The following ALS2 variants were observed in gnomAD, a reference collection of about 807,000 sequenced individuals.
The protein encoded by ALS2 is alsin.
In ALS2, 117 loss-of-function variants were observed where a neutral mutation model predicts 203.4. The ratio of observed to expected loss-of-function variants is 0.58; its 90% CI spans 0.50 to 0.67. The LOEUF (loss-of-function observed/expected upper bound fraction) is 0.67. Ranked by LOEUF, ALS2 falls within the 30% of genes least tolerant of loss-of-function variation. The pLI, the probability that ALS2 is intolerant of heterozygous loss-of-function variation, is 0.00. For synonymous variants in ALS2, 718 were observed against 725.9 expected (o/e 0.99, Z 0.17); for missense variants, 1,715 against 1,989.4 (o/e 0.86, Z 2.62).
At chr2:201,710,770 C>A (rs535755004) in intron 26 of ALS2, among the ~76,000 whole-genome samples, 19 of 152,236 alleles carry the variant, frequency 1.2e-4, no homozygotes, top group Admixed American at 1.0e-3. Context: ...TTCTTAAGAA[C>A]CCCCTTGAGT....
intron 7 of ALS2, among the ~76,000 whole-genome samples, chr2:201,752,406 C>T (rs1401798757): frequency 6.6e-6 from 1 of 151,954 alleles, no homozygotes; most frequent in Non-Finnish European, 1.5e-5. Context: ...TAACTGACCT[C>T]CTTCCTAATC....
chr2:201,734,150 C>A (rs1054415918), intron 12 of ALS2, among the ~76,000 whole-genome samples: 1 of 152,126 alleles, frequency 6.6e-6, no homozygotes, highest in South Asian at 2.1e-4. Context: ...AGGCTTAGCT[C>A]ACCAAACCAA....
chr2:201,706,736 A>T (rs1342495008), intron 29 of ALS2, 110 bp downstream of exon 29: 1 of 1,138,500 alleles, frequency 8.8e-7, no homozygotes, highest in Non-Finnish European at 1.3e-6. Flanking sequence ...TATGCAAAAA[A>T]TAATTACAAG....
intron 5 of ALS2, among the ~76,000 whole-genome samples, chr2:201,756,534 T>TG (rs11402733): frequency 1 from 152,306 of 152,306 alleles, 76,153 homozygotes; most frequent in Non-Finnish European, 1. Flanking sequence ...TTATAGCCCA[T>TG]GGCCAAACAG....
chr2:201,769,404 T>C (rs1694267001), intron 1 of ALS2, among the ~76,000 whole-genome samples: 1 of 152,218 alleles, frequency 6.6e-6, no homozygotes, highest in Non-Finnish European at 1.5e-5. Context: ...TTTTAATTTA[T>C]ACTTTTCAGT....
At chr2:201,721,431 T>C (rs1690785481) in intron 23 of ALS2, among the ~76,000 whole-genome samples, 1 of 152,172 alleles carries the variant, frequency 6.6e-6, no homozygotes, top group South Asian at 2.1e-4. Context: ...AACAGTAATC[T>C]AGATGGTGTG....
intron 4 of ALS2, among the ~76,000 whole-genome samples, chr2:201,758,495 A>G (rs548105469): frequency 6.6e-6 from 1 of 152,164 alleles, no homozygotes; most frequent in Non-Finnish European, 1.5e-5. Context: ...TGATTCTAGA[A>G]GTGTACTAGA....
intron 13 of ALS2, among the ~76,000 whole-genome samples, chr2:201,732,352 G>A (rs1353698569): frequency 6.7e-6 from 1 of 148,262 alleles, no homozygotes; most frequent in African/African-American, 2.5e-5. Flanking sequence ...TCAGGAGTTC[G>A]AGGCCAGCCT....
At position 201,701,621 on chromosome 2, in the gene ALS2, G is replaced by A. The variant is rs1689392955; in HGVS notation, c.*230C>T. Reference sequence around the variant, plus strand: ...ATTTTTGGAACTTATCATAGGCCAAGAACTGGTCTAATCTGATTTTTTACC... The same window carrying A: ...ATTTTTGGAACTTATCATAGGCCAAAAACTGGTCTAATCTGATTTTTTACC... On this transcript the variant is annotated 3_prime_UTR_variant, in exon 34 of 34. Transcript: ENST00000264276. 1 of 523,426 alleles carries A rather than the reference G, an allele frequency of 1.9e-6. No individual in the cohort carries two copies. The allele number at this position is 523,426 out of a possible 1,614,324, so 32.4% of individuals were successfully genotyped here.
At chr2:201,741,631 T>A in intron 11 of ALS2, 43 bp downstream of exon 11, 1 of 1,591,510 alleles carries the variant, frequency 6.3e-7, no homozygotes, top group East Asian at 2.2e-5. Flanking sequence ...CTTGGCAGAA[T>A]AACCCTGCAG....
intron 12 of ALS2, among the ~76,000 whole-genome samples, chr2:201,738,330 A>G (rs967376622): frequency 7.2e-5 from 11 of 152,294 alleles, no homozygotes; most frequent in African/African-American, 2.6e-4. Context: ...CATCACATAC[A>G]TTATTTGTTC....
Position 201,744,344 on chromosome 2 carries a change from A to G in ALS2, c.2084T>C (p.Leu695Pro). ...TCTTTCTGTAGTAGCTAACTCGTGGAGACTGGCAATATACCCCATAATGTT... is the reference window on the plus strand; with the variant it reads ...TCTTTCTGTAGTAGCTAACTCGTGGGGACTGGCAATATACCCCATAATGTT... Reference protein sequence around the residue: ...DKNIMGYIASLHELATTERRF... With the variant: ...DKNIMGYIASPHELATTERRF... The change falls in exon 10 of 34, where the codon CTC (leucine) becomes CCC (proline). Residue 695 changes from leucine (L) to proline (P), a missense_variant. Physicochemically the swap from Leu to Pro is moderately conservative, Grantham distance 98. Transcript: ENST00000264276. The G allele has an allele frequency of 6.2e-7, 1 of 1,614,080 alleles. No homozygotes were observed. Among genetic ancestry groups the G allele is most frequent in the Non-Finnish European group, 8.5e-7 (1 of 1,179,930 alleles).
chr2:201,759,819 G>C (rs1261517820), intron 4 of ALS2: 5 of 984,896 alleles, frequency 5.1e-6, no homozygotes, highest in Non-Finnish European at 6.0e-6. Flanking sequence ...AACACTGCAG[G>C]ACAGATCTTT....
Position 201,704,519 on chromosome 2 carries a change from G to A in ALS2, c.4773C>T (p.His1591=), listed in dbSNP as rs369015911. The change falls in exon 32 of 34, where the codon CAC becomes CAT. Residue 1591 remains histidine, a synonymous_variant. Coordinates refer to ENST00000264276, the MANE Select transcript of ALS2 (RefSeq NM_020919.4). ...CATCCATGGACCACAAGAAGTCTTC[G>A]TGGAGTGACGCCAGGACACTCTGAG... ...EISQSVLASL[H]EDFLWSMDDL... 41 of 1,614,124 alleles carry A rather than the reference G, an allele frequency of 2.5e-5. No individual in the cohort carries two copies. The highest frequency in any genetic ancestry group is 1.5e-4 in the South Asian group (14 of 91,084).
intron 13 of ALS2, 64 bp downstream of exon 13, chr2:201,733,212 T>C: frequency 6.5e-7 from 1 of 1,535,956 alleles, no homozygotes; most frequent in South Asian, 1.1e-5. Flanking sequence ...GGTGGCATAA[T>C]CCATACAAAC....
chr2:201,765,146 G>A (rs1694012790), intron 3 of ALS2, among the ~76,000 whole-genome samples: 1 of 152,054 alleles, frequency 6.6e-6, no homozygotes, highest in African/African-American at 2.4e-5. Flanking sequence ...TACAGGCGCA[G>A]GCCTCCATGC....
At chr2:201,734,635 T>C (rs779594496) in intron 12 of ALS2, among the ~76,000 whole-genome samples, 10 of 152,198 alleles carry the variant, frequency 6.6e-5, no homozygotes, top group Non-Finnish European at 1.5e-4. Flanking sequence ...GGAGGTAAGA[T>C]ATAGTGAACA....
At chr2:201,716,905 T>TA (rs1435481358) in intron 24 of ALS2, among the ~76,000 whole-genome samples, 1 of 152,040 alleles carries the variant, frequency 6.6e-6, no homozygotes, top group African/African-American at 2.4e-5. Context: ...CCTGAGGTGC[T>TA]ACCAAATATA....
chr2:201,734,763 A>T (rs565563689), intron 12 of ALS2, among the ~76,000 whole-genome samples: 67 of 152,278 alleles, frequency 4.4e-4, no homozygotes, highest in African/African-American at 1.4e-3. Context: ...GTCCTTACCT[A>T]TAATCTTCCC....
Sources: allele counts gnomAD v4.1 joint callset (sites outside exome capture counted in the v4.1 genomes callset), GRCh38; gene constraint gnomAD v4.1.1; transcripts MANE v1.5; gene names NCBI Gene and HGNC (gene_info 2026-07-23, HGNC 2026-07-21).